IGFL4: variants seen among roughly 807,000 people sequenced by gnomAD.
IGFL4 encodes the protein IGF like family member 4, also known as insulin growth factor-like family member 4.
In IGFL4, 12 loss-of-function variants were observed where a neutral mutation model predicts 15.4. The observed-to-expected ratio is 0.78, with a 90% CI of 0.50 to 1.26. IGFL4 has a LOEUF of 1.26. IGFL4 is among the 50% of genes most tolerant of loss of function. The pLI is 0.00. For missense variants in IGFL4, 126 were observed against 147.8 expected, an observed-to-expected ratio of 0.85 and a Z score of 0.76; for synonymous variants, 54 against 55.9, an observed-to-expected ratio of 0.97 and a Z score of 0.16.
chr19:46,065,813 A>G (rs557133401), intron 1 of IGFL4, among the ~76,000 whole-genome samples: 86 of 152,212 alleles, frequency 5.7e-4, no homozygotes, highest in African/African-American at 2.0e-3. Context: ...TTCTTGCCCT[A>G]TATTGATATA....
At position 46,066,792 on chromosome 19, in the gene IGFL4, G is replaced by T. The variant is rs191022806; in HGVS notation, c.-431-6499C>A. 1.1e-3 allele frequency among the ~76,000 whole-genome samples: 160 copies of T among 152,294 alleles called. 1 individual carries two copies. Among genetic ancestry groups the T allele is most frequent in the African/African-American group, 3.7e-3 (152 of 41,556 alleles). On this transcript the variant is annotated intron_variant, in intron 1 of 5. Coordinates refer to the IGFL4 transcript ENST00000601672. ...CTTCCCCATGACCCAAACACCTCCT[G>T]CCAGGCCCCACCTCCAATACTGGTG...
intron 2 of IGFL4, among the ~76,000 whole-genome samples, chr19:46,046,430 G>A (rs1330016082): frequency 6.6e-6 from 1 of 152,112 alleles, no homozygotes; most frequent in Non-Finnish European, 1.5e-5. Flanking sequence ...AATGTAAGTG[G>A]GCTAAATTCC....
At chr19:46,071,210 C>T (rs1969543021) in intron 1 of IGFL4, among the ~76,000 whole-genome samples, 1 of 151,992 alleles carries the variant, frequency 6.6e-6, no homozygotes, top group Non-Finnish European at 1.5e-5. Context: ...TCCCTCACGC[C>T]AGCGGCACAC....
chr19:46,073,822 G>A (rs758737208), intron 1 of IGFL4, among the ~76,000 whole-genome samples: 1 of 152,172 alleles, frequency 6.6e-6, no homozygotes, highest in Non-Finnish European at 1.5e-5. Context: ...GACACTGGAA[G>A]TCTTTAAAGA....
In IGFL4 at chr19:46,061,977, G is replaced by A. The variant is rs539955647; in HGVS notation, c.-431-1684C>T. ...TCAAAACCATCACATAACACAATGCGAAACAGAACAGAGTCTTCGATTTTG... is the reference window on the plus strand; with the variant it reads ...TCAAAACCATCACATAACACAATGCAAAACAGAACAGAGTCTTCGATTTTG... On this transcript the variant is annotated intron_variant, in intron 1 of 5. Coordinates refer to the IGFL4 transcript ENST00000601672. Among the ~76,000 whole-genome samples, 5 of 152,210 alleles carry A rather than the reference G, an allele frequency of 3.3e-5. No homozygotes were observed. The East Asian group carries it at 5.8e-4, about 18-fold the overall frequency.
At chr19:46,059,374 T>G (rs751952568) in intron 2 of IGFL4, 1 of 152,174 alleles carries the variant, frequency 6.6e-6, no homozygotes, top group South Asian at 2.1e-4. Flanking sequence ...TCAGGCTGAA[T>G]AGGGGCAATG....
intron 1 of IGFL4, among the ~76,000 whole-genome samples, chr19:46,067,641 C>T (rs1190083643): frequency 6.6e-6 from 1 of 152,178 alleles, no homozygotes; most frequent in Non-Finnish European, 1.5e-5. Context: ...TGTGCTCAGG[C>T]TCAGAGTGAG....
intron 1 of IGFL4, among the ~76,000 whole-genome samples, chr19:46,073,487 C>T (rs1286318632): frequency 6.6e-6 from 1 of 152,118 alleles, no homozygotes; most frequent in Non-Finnish European, 1.5e-5. Context: ...CACTATCACC[C>T]ACAAGATAAC....
chr19:46,070,510 T>C (rs62110684), intron 1 of IGFL4, among the ~76,000 whole-genome samples: 3 of 152,154 alleles, frequency 2.0e-5, no homozygotes, highest in South Asian at 4.1e-4. Flanking sequence ...AAAAAAGGAA[T>C]TTTATTTCTG....
chr19:46,067,706 T>C (rs1969508022), intron 1 of IGFL4, among the ~76,000 whole-genome samples: 1 of 151,786 alleles, frequency 6.6e-6, no homozygotes, highest in Admixed American at 6.6e-5. Flanking sequence ...ATTTGTGGGG[T>C]TGCAGGATGG....
intron 1 of IGFL4, among the ~76,000 whole-genome samples, chr19:46,074,837 C>T (rs1468325773): frequency 2.0e-5 from 3 of 152,192 alleles, no homozygotes; most frequent in Non-Finnish European, 2.9e-5. Context: ...TCAATCCAAT[C>T]GAGTTGACAG....
At chr19:46,071,589 A>T (rs1969546451) in intron 1 of IGFL4, among the ~76,000 whole-genome samples, 1 of 152,160 alleles carries the variant, frequency 6.6e-6, no homozygotes, top group South Asian at 2.1e-4. Flanking sequence ...TGAAACCACG[A>T]CTCCTGAAAC....
intron 1 of IGFL4, among the ~76,000 whole-genome samples, chr19:46,063,723 A>G (rs1042355078): frequency 6.6e-6 from 1 of 152,198 alleles, no homozygotes; most frequent in Non-Finnish European, 1.5e-5. Flanking sequence ...ATGGGTCAGG[A>G]AAGACCCATA....
chr19:46,060,376 T>C (rs915432663), intron 1 of IGFL4: 2 of 152,224 alleles, frequency 1.3e-5, no homozygotes, highest in African/African-American at 4.8e-5. Flanking sequence ...GTTCAGTCCA[T>C]ACAGATAACT....
At chr19:46,053,592 A>G (rs757769247) in intron 2 of IGFL4, among the ~76,000 whole-genome samples, 9 of 152,120 alleles carry the variant, frequency 5.9e-5, no homozygotes, top group South Asian at 2.1e-4. Flanking sequence ...GGAGGTGCAG[A>G]TGTCTCTTAG....
intron 1 of IGFL4, among the ~76,000 whole-genome samples, chr19:46,075,669 TGTG>T (rs1250930502): frequency 3.9e-5 from 6 of 152,204 alleles, no homozygotes; most frequent in Admixed American, 2.0e-4. Flanking sequence ...ACCTGGCTGA[TGTG>T]GTATTTTTCT....
chr19:46,044,803 T>C (rs1374391187), upstream of IGFL4, among the ~76,000 whole-genome samples: 3 of 152,126 alleles, frequency 2.0e-5, no homozygotes, highest in Admixed American at 6.6e-5. Context: ...CAGCCTTCAC[T>C]GGTGACACCT....
intron 2 of IGFL4, chr19:46,058,059 C>T (rs574748346): frequency 2.0e-5 from 3 of 152,092 alleles, no homozygotes; most frequent in African/African-American, 7.3e-5. Flanking sequence ...CCCCACAGTC[C>T]CCCAAATTCT....
rs1484586656 is a variant in IGFL4, at chr19:46,072,953, A to T, written c.-432+4067T>A. Among the ~76,000 whole-genome samples, 6 of 152,106 alleles carry T rather than the reference A, an allele frequency of 3.9e-5. No individual in the cohort carries two copies. In the East Asian group the frequency reaches 9.6e-4, roughly 24 times the overall value. On this transcript the variant is annotated intron_variant, in intron 1 of 5. Transcript: ENST00000601672. The stretch of plus-strand genomic sequence containing the variant: ...ATGGATACCAAATAGAGAAATACAG[A>T]CTCAAGAAAACACAAAGCACTATCC...
Sources: gnomAD v4.1 joint callset for allele counts (sites outside exome capture counted in the v4.1 genomes callset) on GRCh38, gnomAD v4.1.1 for gene constraint, MANE v1.5 for transcripts, NCBI Gene and HGNC (gene_info 2026-07-23, HGNC 2026-07-21) for gene names.